QTGAL: variants seen among roughly 807,000 people sequenced by gnomAD.
The protein encoded by QTGAL is queuosine-tRNA galactosyltransferase, also known as BGnT-like protein 1.
the QTGAL span, among the ~76,000 whole-genome samples, chr17:82,969,120 A>G: frequency 6.8e-6 from 1 of 147,578 alleles, no homozygotes; most frequent in Non-Finnish European, 1.5e-5. Context: ...TAACAGAGCA[A>G]GACTCCATTT....
the QTGAL span, chr17:83,014,502 G>A: frequency 1.4e-5 from 22 of 1,614,100 alleles, no homozygotes; most frequent in Middle Eastern, 1.7e-4. Flanking sequence ...TCACCCGCTG[G>A]GGCATCATGA....
At chr17:82,956,284 C>T in the QTGAL span, among the ~76,000 whole-genome samples, 3 of 152,330 alleles carry the variant, frequency 2.0e-5, no homozygotes, top group Admixed American at 2.0e-4. This position sits in a 1 kb window ranked among gnomAD's most constrained non-coding sequence, Gnocchi z 5.7. Context: ...AGGCAAGGGT[C>T]GTTCACACTC....
chr17:82,957,031 C>A, the QTGAL span: 2 of 1,187,058 alleles, frequency 1.7e-6, no homozygotes, highest in East Asian at 4.7e-5. Context: ...GGGGTTCTCC[C>A]CCCAAGAATG....
At chr17:83,005,179 G>C in the QTGAL span, 2 of 1,610,500 alleles carry the variant, frequency 1.2e-6, no homozygotes, top group Non-Finnish European at 1.7e-6. This position sits in a 1 kb window ranked among gnomAD's most constrained non-coding sequence, Gnocchi z 5.6. Context: ...GGTGGAGTTA[G>C]GGGGATCTCT....
At chr17:82,966,026 C>G in the QTGAL span, among the ~76,000 whole-genome samples, 1 of 152,034 alleles carries the variant, frequency 6.6e-6, no homozygotes, top group Non-Finnish European at 1.5e-5. Context: ...CCTCCTATCT[C>G]AGCCTCCCAG....
the QTGAL span, among the ~76,000 whole-genome samples, chr17:83,023,800 G>C: frequency 1.3e-5 from 2 of 152,226 alleles, no homozygotes; most frequent in Admixed American, 6.5e-5. Context: ...AGAGCTGGAA[G>C]GGAAAGTGGA....
At chr17:82,975,837 CAG>C in the QTGAL span, among the ~76,000 whole-genome samples, 1 of 43,014 alleles carries the variant, frequency 2.3e-5, no homozygotes, top group Non-Finnish European at 4.3e-5. Context: ...TATGGGGAAA[CAG>C]GGCCCCAGGA....
the QTGAL span, among the ~76,000 whole-genome samples, chr17:82,965,221 C>T: frequency 7.4e-4 from 111 of 149,320 alleles, no homozygotes; most frequent in Admixed American, 2.2e-3. Context: ...GGGACATGGA[C>T]GCCTGCAGGT....
chr17:83,029,074 G>A, the QTGAL span, among the ~76,000 whole-genome samples: 29 of 152,342 alleles, frequency 1.9e-4, 1 homozygote, highest in East Asian at 4.6e-3. Flanking sequence ...CGTGGGGACC[G>A]GAGCCGGGAG....
At chr17:82,952,480 G>A in the QTGAL span, among the ~76,000 whole-genome samples, 1 of 152,144 alleles carries the variant, frequency 6.6e-6, no homozygotes, top group South Asian at 2.1e-4. Flanking sequence ...ATTACCTAAT[G>A]GTAAAGGGAT....
the QTGAL span, chr17:82,961,259 C>A: frequency 6.6e-7 from 1 of 1,523,782 alleles, no homozygotes; most frequent in Admixed American, 2.0e-5. Context: ...TACACCTGCG[C>A]TCAGCCGGCC....
At chr17:83,002,892 G>A in the QTGAL span, among the ~76,000 whole-genome samples, 5 of 35,218 alleles carry the variant, frequency 1.4e-4, no homozygotes, top group Non-Finnish European at 2.0e-4. Flanking sequence ...CGCCCTCCGC[G>A]TGTGGGATTC....
At chr17:83,019,537 G>A in the QTGAL span, among the ~76,000 whole-genome samples, 1 of 152,190 alleles carries the variant, frequency 6.6e-6, no homozygotes, top group Non-Finnish European at 1.5e-5. Flanking sequence ...AGGCTGGGGC[G>A]GGCAATGGGC....
chr17:83,007,514 C>T, the QTGAL span, among the ~76,000 whole-genome samples: 2 of 151,802 alleles, frequency 1.3e-5, no homozygotes, highest in Non-Finnish European at 2.9e-5. Flanking sequence ...AGAGGCTCAG[C>T]ATCTACACAC....
At chr17:82,955,540 A>G in the QTGAL span, among the ~76,000 whole-genome samples, 24 of 152,220 alleles carry the variant, frequency 1.6e-4, no homozygotes, top group Admixed American at 1.6e-3. Flanking sequence ...ATGCTTTTAC[A>G]CTGTTGGTGG....
At chr17:83,013,714 A>G in the QTGAL span, among the ~76,000 whole-genome samples, 1 of 151,484 alleles carries the variant, frequency 6.6e-6, no homozygotes, top group Non-Finnish European at 1.5e-5. Flanking sequence ...CCGCGGGGGG[A>G]GGGCAGAGGG....
At chr17:83,050,881 G>A in the QTGAL span, among the ~76,000 whole-genome samples, 2 of 151,970 alleles carry the variant, frequency 1.3e-5, no homozygotes, top group Non-Finnish European at 2.9e-5. Context: ...TATGGGGCAC[G>A]GGCATGTATG....
the QTGAL span, among the ~76,000 whole-genome samples, chr17:82,997,436 G>A: frequency 6.6e-6 from 1 of 152,134 alleles, no homozygotes; most frequent in Non-Finnish European, 1.5e-5. Context: ...AATGTCGGTG[G>A]GAATGTAAAT....
chr17:82,977,274 G>A, the QTGAL span, among the ~76,000 whole-genome samples: 3 of 152,188 alleles, frequency 2.0e-5, no homozygotes, highest in African/African-American at 4.8e-5. Context: ...CTGCGGCGCC[G>A]CCCCGACACG....
Sources: allele counts gnomAD v4.1 joint callset (sites outside exome capture counted in the v4.1 genomes callset), GRCh38; gene constraint gnomAD v4.1.1; non-coding constraint Gnocchi (gnomAD v3.1); transcripts MANE v1.5; gene names NCBI Gene and HGNC (gene_info 2026-07-23, HGNC 2026-07-21).